FAM120B: variants seen among roughly 807,000 people sequenced by gnomAD.
FAM120B encodes family with sequence similarity 120 member B.
In FAM120B, 83 loss-of-function variants were observed where a neutral mutation model predicts 96.3. That is an observed-to-expected ratio of 0.86 (90% confidence interval 0.72 to 1.03). The LOEUF is 1.03. Ranked by LOEUF, FAM120B falls within the 50% of genes least tolerant of loss-of-function variation. FAM120B has a pLI of 0.00. For missense variants in FAM120B, 1,027 were observed against 1,121.2 expected (o/e 0.92, Z 1.20); for synonymous variants, 407 against 402.7 (o/e 1.01, Z -0.13).
At chr6:170,394,781 CT>C (rs1790642327) in intron 8 of FAM120B, among the ~76,000 whole-genome samples, 1 of 152,256 alleles carries the variant, frequency 6.6e-6, no homozygotes. Context: ...TCCCTCATAG[CT>C]AAAGCCCCAG....
chr6:170,330,221 C>G (rs1278195631), intron 3 of FAM120B, among the ~76,000 whole-genome samples: 1 of 152,136 alleles, frequency 6.6e-6, no homozygotes, highest in Non-Finnish European at 1.5e-5. Context: ...CCCAGATTAT[C>G]CTGAGGATTT....
At position 170,371,372 on chromosome 6, in the gene FAM120B, T is replaced by C. The variant is rs190356437; in HGVS notation, c.2283+13054T>C. ...ATCAGCTGAGAGACACTTGGTAGTT[T>C]CACTTTTTGGCCCTGTGAATAATGC... On this transcript the variant is annotated intron_variant, in intron 6 of 10. Transcript: ENST00000476287. 2.0e-5 allele frequency among the ~76,000 whole-genome samples: 3 copies of C among 152,290 alleles called. No homozygotes were observed. The East Asian group carries it at 5.8e-4, about 29-fold the overall frequency.
chr6:170,389,184 G>A (rs1468147676), intron 7 of FAM120B, among the ~76,000 whole-genome samples: 1 of 152,178 alleles, frequency 6.6e-6, no homozygotes, highest in Non-Finnish European at 1.5e-5. Context: ...TACATAATGA[G>A]ATATCTTGGG....
intron 6 of FAM120B, among the ~76,000 whole-genome samples, chr6:170,376,746 C>T (rs540726803): frequency 3.3e-5 from 5 of 152,176 alleles, no homozygotes; most frequent in African/African-American, 7.2e-5. Context: ...GAATGTGAAC[C>T]GAAAATCTGG....
chr6:170,365,102 T>G (rs534445603), intron 6 of FAM120B, among the ~76,000 whole-genome samples: 67 of 152,344 alleles, frequency 4.4e-4, no homozygotes, highest in African/African-American at 1.6e-3. Context: ...AAACCCCCAG[T>G]CAGGCTGAGC....
At chr6:170,361,751 C>T (rs1788475194) in intron 6 of FAM120B, among the ~76,000 whole-genome samples, 1 of 152,158 alleles carries the variant, frequency 6.6e-6, no homozygotes, top group Non-Finnish European at 1.5e-5. Flanking sequence ...TGTGATCATA[C>T]ATACACATAC....
intron 1 of FAM120B, among the ~76,000 whole-genome samples, chr6:170,299,154 T>C (rs1374174402): frequency 6.6e-6 from 1 of 152,262 alleles, no homozygotes; most frequent in African/African-American, 2.4e-5. Flanking sequence ...AGTGAGGCTA[T>C]TAGCACCTGG....
intron 7 of FAM120B, among the ~76,000 whole-genome samples, chr6:170,388,775 G>A (rs1790331819): frequency 6.6e-6 from 1 of 152,166 alleles, no homozygotes; most frequent in African/African-American, 2.4e-5. Flanking sequence ...CTTGAACAAT[G>A]CAAGGGTTAA....
chr6:170,291,606 A>G (rs1031177840), upstream of FAM120B, among the ~76,000 whole-genome samples: 7 of 152,244 alleles, frequency 4.6e-5, 1 homozygote, highest in South Asian at 1.2e-3. Context: ...GCCAGAGCGA[A>G]GCGGCAGTTT....
At chr6:170,367,231 T>C (rs891511478) in intron 6 of FAM120B, among the ~76,000 whole-genome samples, 1 of 152,230 alleles carries the variant, frequency 6.6e-6, no homozygotes, top group South Asian at 2.1e-4. Flanking sequence ...TCTCACTTTG[T>C]CAAAAGCTTC....
intron 6 of FAM120B, among the ~76,000 whole-genome samples, chr6:170,369,231 T>C (rs996676970): frequency 6.6e-6 from 1 of 151,954 alleles, no homozygotes; most frequent in Non-Finnish European, 1.5e-5. Flanking sequence ...CTTGTGCACA[T>C]AGACTTTCCA....
Position 170,295,751 on chromosome 6 carries a change from G to C in FAM120B, c.48+298G>C, listed in dbSNP as rs1196432756. ...GCGGCCGTGCAGAGAACAGGAAGAC[G>C]GGCTCCAACCCCACCTGGTTCGTGT... On this transcript the variant is annotated intron_variant, in intron 1 of 10. Coordinates refer to the FAM120B transcript ENST00000537664. This position sits in a 1 kb window ranked among gnomAD's most constrained non-coding sequence, Gnocchi z 7.8. Among the ~76,000 whole-genome samples, 2 of 152,074 alleles carry C rather than the reference G, an allele frequency of 1.3e-5. No homozygotes were observed. Among genetic ancestry groups the C allele is most frequent in the Middle Eastern group, 3.2e-3 (1 of 314 alleles).
intron 4 of FAM120B, among the ~76,000 whole-genome samples, chr6:170,345,985 G>A (rs888073141): frequency 6.6e-5 from 10 of 152,198 alleles, no homozygotes; most frequent in African/African-American, 2.2e-4. Flanking sequence ...CCTGTGAAGC[G>A]TGTGGCTGCC....
chr6:170,376,953 A>G (rs144769581), intron 6 of FAM120B, among the ~76,000 whole-genome samples: 21,673 of 113,044 alleles, frequency 0.19, 2,260 homozygotes, highest in East Asian at 0.7. Context: ...GGAGAGCACG[A>G]GCTCAGGGCT....
At chr6:170,294,346 T>C (rs1171626240), upstream of FAM120B, among the ~76,000 whole-genome samples, 1 of 152,100 alleles carries the variant, frequency 6.6e-6, no homozygotes, top group African/African-American at 2.4e-5. This position sits in a 1 kb window ranked among gnomAD's most constrained non-coding sequence, Gnocchi z 7.9. Flanking sequence ...GACACAGAAG[T>C]GGAAGGAGGA....
chr6:170,397,043 C>T lies in FAM120B; in HGVS notation c.2692+1464C>T, dbSNP rs140401539. Among the ~76,000 whole-genome samples, 530 of 152,296 alleles carry T rather than the reference C, an allele frequency of 3.5e-3. 1 individual carries two copies. Among genetic ancestry groups the T allele is most frequent in the Middle Eastern group, 0.017 (5 of 294 alleles). On this transcript the variant is annotated intron_variant, in intron 9 of 10. Transcript: ENST00000476287. The stretch of plus-strand genomic sequence containing the variant: ...AGGTCAGAGACTGCAGCCCTGAGGT[C>T]GTGTGTGTGTAGAGAGCTCAATGCC...
chr6:170,403,430 A>G (rs1011395606), intron 9 of FAM120B, among the ~76,000 whole-genome samples: 3 of 148,152 alleles, frequency 2.0e-5, no homozygotes, highest in African/African-American at 5.1e-5. Context: ...TTCCAGGGCA[A>G]TTGATAGGTA....
At chr6:170,358,824 G>A (rs927298516) in intron 6 of FAM120B, among the ~76,000 whole-genome samples, 3 of 152,164 alleles carry the variant, frequency 2.0e-5, no homozygotes, top group South Asian at 4.1e-4. Flanking sequence ...CATGCCCTCC[G>A]GGAGTGCTTA....
intron 6 of FAM120B, among the ~76,000 whole-genome samples, chr6:170,379,956 A>G (rs1432431190): frequency 6.6e-6 from 1 of 152,106 alleles, no homozygotes; most frequent in African/African-American, 2.4e-5. Context: ...ATCTCTCCAG[A>G]CCCATTCATC....
Sources: gnomAD v4.1 joint callset for allele counts (sites outside exome capture counted in the v4.1 genomes callset) on GRCh38, gnomAD v4.1.1 for gene constraint, Gnocchi (gnomAD v3.1) non-coding constraint, MANE v1.5 for transcripts, NCBI Gene and HGNC (gene_info 2026-07-23, HGNC 2026-07-21) for gene names.